GRIK1: variants seen among roughly 807,000 people sequenced by gnomAD.
GRIK1 encodes the protein glutamate ionotropic receptor kainate type subunit 1.
GRIK1 carries 69 observed loss-of-function variants against 105.7 expected under a neutral mutation model. The observed-to-expected ratio is 0.65, with a 90% CI of 0.54 to 0.80. The LOEUF (loss-of-function observed/expected upper bound fraction) is 0.80. Among genes scored for constraint, GRIK1 ranks in the 30% least tolerant of loss-of-function variants. The pLI is 0.00. For missense variants in GRIK1, 1,109 were observed against 1,167.3 expected (o/e 0.95, Z 0.73); for synonymous variants, 438 against 431.3 (o/e 1.02, Z -0.19).
At chr21:29,559,971 A>G (rs1295826874) in intron 15 of GRIK1, among the ~76,000 whole-genome samples, 1 of 152,174 alleles carries the variant, frequency 6.6e-6, no homozygotes, top group Non-Finnish European at 1.5e-5. Context: ...CTCCTGGCAC[A>G]AGCATGCTTT....
chr21:29,684,317 A>G (rs1450506100), intron 3 of GRIK1, among the ~76,000 whole-genome samples: 1 of 152,046 alleles, frequency 6.6e-6, no homozygotes, highest in East Asian at 1.9e-4. Flanking sequence ...ACCGTTTATC[A>G]TATATCTATT....
intron 1 of GRIK1, among the ~76,000 whole-genome samples, chr21:29,857,321 T>A (rs1426763457): frequency 1.3e-5 from 2 of 152,234 alleles, no homozygotes; most frequent in African/African-American, 4.8e-5. Context: ...CAAATTTGTG[T>A]TCTTTCCCAT....
chr21:29,922,930 G>T (rs2146330398), intron 1 of GRIK1, among the ~76,000 whole-genome samples: 1 of 152,218 alleles, frequency 6.6e-6, no homozygotes, highest in African/African-American at 2.4e-5. Flanking sequence ...ACATAAAATG[G>T]TTTTCTCAAG....
chr21:29,704,219 G>A (rs1047678084), intron 1 of GRIK1, among the ~76,000 whole-genome samples: 1 of 152,172 alleles, frequency 6.6e-6, no homozygotes, highest in Non-Finnish European at 1.5e-5. Flanking sequence ...CTTGGTTCCT[G>A]CCCTCAGCAG....
chr21:29,579,383 A>T (rs1334176138), intron 13 of GRIK1, among the ~76,000 whole-genome samples: 3 of 152,202 alleles, frequency 2.0e-5, no homozygotes, highest in Non-Finnish European at 4.4e-5. Flanking sequence ...TTATACAAAC[A>T]TTAAAAGTTG....
At chr21:29,644,061 A>G (rs1391040177) in intron 6 of GRIK1, among the ~76,000 whole-genome samples, 1 of 152,114 alleles carries the variant, frequency 6.6e-6, no homozygotes, top group Non-Finnish European at 1.5e-5. Context: ...TAAACCTAGA[A>G]TCTAGGTCAT....
intron 13 of GRIK1, among the ~76,000 whole-genome samples, chr21:29,579,985 G>GTGTGTATATATA (rs1568842967): frequency 2.5e-4 from 36 of 144,612 alleles, no homozygotes; most frequent in African/African-American, 9.3e-4. Context: ...ATATATATGT[G>GTGTGTATATATA]TGTATATATA....
chr21:29,623,509 A>G (rs2062054536), intron 7 of GRIK1, among the ~76,000 whole-genome samples: 1 of 151,972 alleles, frequency 6.6e-6, no homozygotes, highest in African/African-American at 2.4e-5. Flanking sequence ...AGTTAATGAG[A>G]AACCCAAGCT....
chr21:29,827,397 G>A lies in GRIK1; in HGVS notation c.118+111986C>T, dbSNP rs149508341. On this transcript the variant is annotated intron_variant, in intron 1 of 17. Transcript: ENST00000327783. The stretch of plus-strand genomic sequence containing the variant: ...TAATATTTTTAAATGCTCAGGCCAT[G>A]ATGAGTCAACGGCAAGTCATAGTAA... 9.4e-3 allele frequency among the ~76,000 whole-genome samples: 1,433 copies of A among 152,222 alleles called. 18 individuals carry two copies. Among genetic ancestry groups the A allele is most frequent in the Non-Finnish European group, 0.011 (754 of 68,006 alleles).
intron 1 of GRIK1, among the ~76,000 whole-genome samples, chr21:29,697,832 G>A (rs188938652): frequency 7.7e-4 from 117 of 151,452 alleles, no homozygotes; most frequent in East Asian, 4.1e-3. Flanking sequence ...TTCCTCCTTC[G>A]GTCTTTCCTT....
At chr21:29,898,800 C>T (rs1011724729) in intron 1 of GRIK1, among the ~76,000 whole-genome samples, 1 of 151,986 alleles carries the variant, frequency 6.6e-6, no homozygotes, top group African/African-American at 2.4e-5. Flanking sequence ...ATTTTGAGTA[C>T]ACAAATAAGT....
intron 1 of GRIK1, among the ~76,000 whole-genome samples, chr21:29,906,105 G>C (rs900698867): frequency 4.6e-5 from 7 of 152,050 alleles, no homozygotes; most frequent in African/African-American, 1.4e-4. Flanking sequence ...ACAGCAATTC[G>C]TTTTTTCAAT....
chr21:29,537,833 G>T lies in GRIK1; in HGVS notation c.2659C>A (p.His887Asn). 1.3e-6 allele frequency: 2 copies of T among 1,530,930 alleles called. No individual in the cohort carries two copies. Among genetic ancestry groups the T allele is most frequent in the South Asian group, 1.1e-5 (1 of 88,792 alleles). The allele number at this position is 1,530,930 out of a possible 1,614,324, so 94.8% of individuals were successfully genotyped here. A position where few individuals can be genotyped will look rare whatever the true frequency, so the allele number is the denominator to read the frequency against. ...RFYFRNKVRFHGRKKQSLGVE... is the reference protein window; with the variant it reads ...RFYFRNKVRFNGRKKQSLGVE... ...CCAAGGCTTTGTTTTTTTCTCCCAT[G>T]AAACCTTACTTTGTTCCTAAAATAA... Residue 887 changes from histidine (H) to asparagine (N), a missense_variant, in exon 17 of 18, where the codon CAT becomes AAT. By Grantham distance (68) the His-to-Asn change is moderately conservative (BLOSUM62 1). Around this residue, in one of 5 missense-constraint regions of GRIK1, gnomAD observed 161 missense variants for 143.4 expected, o/e 1.12. Transcript: ENST00000327783.
At chr21:29,846,461 GAGAGAAA>G (rs2068121207) in intron 1 of GRIK1, among the ~76,000 whole-genome samples, 2 of 129,158 alleles carry the variant, frequency 1.5e-5, no homozygotes, top group Admixed American at 1.7e-4. Context: ...AGGAAAGAGA[GAGAGAAA>G]GAAAGAAAGA....
chr21:29,596,294 G>A (rs942688674), intron 9 of GRIK1: 5 of 658,556 alleles, frequency 7.6e-6, no homozygotes, highest in Non-Finnish European at 1.4e-5. Flanking sequence ...AATCTTGGGG[G>A]AAATATTTAA....
intron 13 of GRIK1, among the ~76,000 whole-genome samples, chr21:29,578,944 G>C (rs190707949): frequency 8.5e-4 from 129 of 152,180 alleles, no homozygotes; most frequent in African/African-American, 3.0e-3. Context: ...TAGCTTATGG[G>C]TGCAGATTTT....
At chr21:29,905,965 T>G (rs992619054) in intron 1 of GRIK1, among the ~76,000 whole-genome samples, 2 of 152,012 alleles carry the variant, frequency 1.3e-5, no homozygotes, top group Non-Finnish European at 2.9e-5. Flanking sequence ...TTGTTTGTTT[T>G]AAATATCTGT....
chr21:29,912,787 T>C (rs1174434865), intron 1 of GRIK1, among the ~76,000 whole-genome samples: 1 of 152,076 alleles, frequency 6.6e-6, no homozygotes, highest in Non-Finnish European at 1.5e-5. Flanking sequence ...ATGATGATGA[T>C]GATACATTTT....
intron 1 of GRIK1, among the ~76,000 whole-genome samples, chr21:29,831,537 A>G (rs2145966054): frequency 6.6e-6 from 1 of 152,284 alleles, no homozygotes; most frequent in South Asian, 2.1e-4. Flanking sequence ...TCATGGCGGA[A>G]GGCAAAGGGG....
Sources: gnomAD v4.1 joint callset for allele counts (sites outside exome capture counted in the v4.1 genomes callset) on GRCh38, gnomAD v4.1.1 for gene constraint, gnomAD v4.1.1 regional missense constraint, MANE v1.5 for transcripts, NCBI Gene and HGNC (gene_info 2026-07-23, HGNC 2026-07-21) for gene names.